The following EPC2 variants were observed in gnomAD, a reference collection of about 807,000 sequenced individuals.
The protein encoded by EPC2 is enhancer of polycomb homolog 2.
Under a neutral mutation model 92.1 loss-of-function variants are expected in EPC2, and 14 were observed. The observed-to-expected ratio is 0.15, with a 90% CI of 0.10 to 0.24. The LOEUF (loss-of-function observed/expected upper bound fraction) is 0.24, where lower values mean the gene tolerates loss of function less well. Among genes scored for constraint, EPC2 ranks in the 10% least tolerant of loss-of-function variants. The pLI is 1.00. For synonymous variants in EPC2, 340 were observed against 334.7 expected (o/e 1.02, Z -0.17); for missense variants, 755 against 971.5 (o/e 0.78, Z 2.96).
At chr2:148,685,952 G>C (rs557625441) in intron 1 of EPC2, among the ~76,000 whole-genome samples, 10 of 152,254 alleles carry the variant, frequency 6.6e-5, no homozygotes, top group South Asian at 4.1e-4. Flanking sequence ...GGAGGGTCTT[G>C]CCTTGATGTT....
chr2:148,742,735 C>T (rs534291291), intron 2 of EPC2, among the ~76,000 whole-genome samples: 1 of 149,598 alleles, frequency 6.7e-6, no homozygotes, highest in African/African-American at 2.5e-5. Context: ...TGAGCAAGAT[C>T]GTGCCATTGC....
At chr2:148,783,565 A>G in intron 11 of EPC2, 32 bp from the exon 12 acceptor site, 1 of 1,570,552 alleles carries the variant, frequency 6.4e-7, no homozygotes, top group Non-Finnish European at 8.7e-7. Context: ...CACATCTAAA[A>G]ATTAGAGTGT....
At chr2:148,769,071 C>G in intron 7 of EPC2, 80 bp from the exon 8 acceptor site, 1 of 920,408 alleles carries the variant, frequency 1.1e-6, no homozygotes. Flanking sequence ...TGTTTGTGAT[C>G]AGATTTACAT....
chr2:148,710,055 C>T (rs544966739), intron 2 of EPC2, among the ~76,000 whole-genome samples: 25 of 152,246 alleles, frequency 1.6e-4, no homozygotes, highest in African/African-American at 5.8e-4. Context: ...TCAGATTGAA[C>T]AGGCAACCTA....
intron 1 of EPC2, among the ~76,000 whole-genome samples, chr2:148,681,756 A>G (rs113847908): frequency 0.038 from 5,820 of 152,164 alleles, 151 homozygotes; most frequent in Middle Eastern, 0.054. Context: ...GTTCTAGGGT[A>G]CATGTGCACA....
At position 148,697,637 on chromosome 2, in the gene EPC2, A is replaced by T. The variant is rs139734340; in HGVS notation, c.313+7264A>T. ...TTAAAAGGGCCTTTTGAGTTTTATAAATCAAAGACATTAGAGGGAGAACCA... is the reference window on the plus strand; with the variant it reads ...TTAAAAGGGCCTTTTGAGTTTTATATATCAAAGACATTAGAGGGAGAACCA... On this transcript the variant is annotated intron_variant, in intron 2 of 13. Transcript: ENST00000258484. 2.9e-3 allele frequency among the ~76,000 whole-genome samples: 436 copies of T among 152,304 alleles called. 1 individual carries two copies. Among genetic ancestry groups the T allele is most frequent in the African/African-American group, 0.01 (416 of 41,564 alleles).
rs73018668 is a variant in EPC2, at chr2:148,670,640, T to A, written c.154-19574T>A. On this transcript the variant is annotated intron_variant, in intron 1 of 13. Transcript: ENST00000258484. ...AGCATGTCAAACGTGGTTCTAAAATTTGGAACTCTACAAACAGTATGCTTA... is the reference window on the plus strand; with the variant it reads ...AGCATGTCAAACGTGGTTCTAAAATATGGAACTCTACAAACAGTATGCTTA... Among the ~76,000 whole-genome samples, 1,514 of 152,248 alleles carry A rather than the reference T, an allele frequency of 9.9e-3. 25 individuals carry two copies. The highest frequency in any genetic ancestry group is 0.034 in the African/African-American group (1,421 of 41,514).
At chr2:148,678,612 A>T (rs1013262015) in intron 1 of EPC2, among the ~76,000 whole-genome samples, 10 of 152,182 alleles carry the variant, frequency 6.6e-5, no homozygotes, top group Admixed American at 6.5e-5. Context: ...CTGCTGGGGG[A>T]CCCAGTACAG....
chr2:148,765,812 C>T (rs1030993686), intron 7 of EPC2, among the ~76,000 whole-genome samples: 3 of 152,010 alleles, frequency 2.0e-5, no homozygotes, highest in Admixed American at 6.6e-5. Context: ...CCGAGGCAGG[C>T]GGATCACAAG....
intron 3 of EPC2, among the ~76,000 whole-genome samples, chr2:148,746,610 G>A (rs1370454577): frequency 6.6e-6 from 1 of 152,064 alleles, no homozygotes; most frequent in Non-Finnish European, 1.5e-5. Flanking sequence ...GTAGGGGGAT[G>A]CTATGAAGAT....
chr2:148,665,055 T>C (rs1681031736), intron 1 of EPC2, among the ~76,000 whole-genome samples: 1 of 152,212 alleles, frequency 6.6e-6, no homozygotes. Context: ...ATTTATCTAG[T>C]TTATAACTTT....
intron 2 of EPC2, among the ~76,000 whole-genome samples, chr2:148,710,042 C>A (rs1682102959): frequency 6.6e-6 from 1 of 152,034 alleles, no homozygotes; most frequent in African/African-American, 2.4e-5. Flanking sequence ...AAAGAAAGTA[C>A]CATCAGATTG....
intron 1 of EPC2, among the ~76,000 whole-genome samples, chr2:148,653,951 T>A (rs1388225454): frequency 2.2e-5 from 2 of 92,904 alleles, no homozygotes; most frequent in African/African-American, 7.6e-5. Context: ...TTTTTTTTTG[T>A]TTTTTTTTTT....
intron 6 of EPC2, among the ~76,000 whole-genome samples, chr2:148,763,967 A>T (rs1683355405): frequency 6.6e-6 from 1 of 152,068 alleles, no homozygotes; most frequent in South Asian, 2.1e-4. Flanking sequence ...AACTTTAGGG[A>T]TTTGGTTGCA....
intron 10 of EPC2, among the ~76,000 whole-genome samples, chr2:148,774,624 T>A (rs188848985): frequency 0.019 from 2,458 of 132,100 alleles, 112 homozygotes; most frequent in African/African-American, 0.06. Context: ...AAAATATATT[T>A]TATATATATA....
intron 1 of EPC2, among the ~76,000 whole-genome samples, chr2:148,675,328 C>G (rs1398581034): frequency 6.6e-6 from 1 of 151,996 alleles, no homozygotes; most frequent in Non-Finnish European, 1.5e-5. Context: ...TTTCGTATCC[C>G]TAAATGCTAC....
intron 2 of EPC2, chr2:148,692,862 A>C (rs1329288173): frequency 6.6e-6 from 1 of 152,164 alleles, no homozygotes; most frequent in Non-Finnish European, 1.5e-5. Context: ...ATTTTATTCT[A>C]TTATTGTAAA....
At chr2:148,671,262 T>C (rs1681146226) in intron 1 of EPC2, among the ~76,000 whole-genome samples, 1 of 151,900 alleles carries the variant, frequency 6.6e-6, no homozygotes, top group Admixed American at 6.6e-5. Flanking sequence ...TAATCATAAA[T>C]GCTAAATCTC....
chr2:148,714,008 A>G (rs1436305629), intron 2 of EPC2, among the ~76,000 whole-genome samples: 2 of 152,012 alleles, frequency 1.3e-5, no homozygotes, highest in East Asian at 1.9e-4. Flanking sequence ...TCACCTAGGT[A>G]TTAAGCCCAG....
Sources: gnomAD v4.1 joint callset for allele counts (sites outside exome capture counted in the v4.1 genomes callset) on GRCh38, gnomAD v4.1.1 for gene constraint, MANE v1.5 for transcripts, NCBI Gene and HGNC (gene_info 2026-07-23, HGNC 2026-07-21) for gene names.